The following CORO2B variants were observed in gnomAD, a reference collection of about 807,000 sequenced individuals.
CORO2B encodes the protein coronin-2B.
CORO2B carries 26 observed loss-of-function variants against 58.8 expected under a neutral mutation model. That is an observed-to-expected ratio of 0.44 (90% CI 0.32 to 0.61). The LOEUF (loss-of-function observed/expected upper bound fraction) is 0.61, where lower values mean the gene tolerates loss of function less well. Ranked by LOEUF, CORO2B falls within the 20% of genes least tolerant of loss-of-function variation. The probability of loss-of-function intolerance (pLI) is 0.04; values close to 1 mark genes in which losing one functional copy is unlikely to be tolerated. For missense variants in CORO2B, 460 were observed against 645.1 expected, an observed-to-expected ratio of 0.71 and a Z score of 3.11; for synonymous variants, 242 against 253.8, an observed-to-expected ratio of 0.95 and a Z score of 0.44.
chr15:68,525,143 C>A, the CORO2B span, among the ~76,000 whole-genome samples: 1 of 152,130 alleles, frequency 6.6e-6, no homozygotes, highest in South Asian at 2.1e-4. Context: ...CCCTAAAAAA[C>A]CCCAAAAACA....
chr15:68,647,030 C>A (rs969341738), intron 2 of CORO2B, among the ~76,000 whole-genome samples: 5 of 152,206 alleles, frequency 3.3e-5, no homozygotes, highest in African/African-American at 1.2e-4. Flanking sequence ...GGCACCCTGC[C>A]ATGCTCCACT....
intron 2 of CORO2B, among the ~76,000 whole-genome samples, chr15:68,685,609 G>C (rs1031500586): frequency 7.2e-5 from 11 of 152,228 alleles, no homozygotes; most frequent in African/African-American, 2.7e-4. Flanking sequence ...TGCTCCAGGA[G>C]GCAGGAGGCC....
At chr15:68,564,422 G>A in the CORO2B span, among the ~76,000 whole-genome samples, 2 of 151,968 alleles carry the variant, frequency 1.3e-5, no homozygotes, top group Non-Finnish European at 2.9e-5. Flanking sequence ...TCCCCCATCA[G>A]CCTCTCGAGT....
the CORO2B span, among the ~76,000 whole-genome samples, chr15:68,544,159 TG>T: frequency 6.6e-6 from 1 of 152,238 alleles, no homozygotes; most frequent in Non-Finnish European, 1.5e-5. Context: ...TGGTCCACTG[TG>T]GATCCACATC....
intron 3 of CORO2B, among the ~76,000 whole-genome samples, chr15:68,704,808 G>T (rs1472324594): frequency 2.0e-5 from 3 of 152,150 alleles, no homozygotes; most frequent in African/African-American, 7.2e-5. Context: ...ACAGTCCCCA[G>T]CAAGGCAGGC....
At chr15:68,641,690 C>CA (rs1300331595) in intron 1 of CORO2B, 3 of 585,892 alleles carry the variant, frequency 5.1e-6, no homozygotes. Flanking sequence ...TCCTCCCAAG[C>CA]CCTTGGAGGT....
chr15:68,621,434 G>C (rs1045704455), intron 1 of CORO2B, among the ~76,000 whole-genome samples: 1 of 152,208 alleles, frequency 6.6e-6, no homozygotes, highest in African/African-American at 2.4e-5. Context: ...AACTGTACTC[G>C]TACTATTGAA....
At chr15:68,537,465 T>C in the CORO2B span, among the ~76,000 whole-genome samples, 1 of 152,212 alleles carries the variant, frequency 6.6e-6, no homozygotes, top group African/African-American at 2.4e-5. Context: ...CTGCTTGTTT[T>C]TGTAAATAAA....
rs12904790 is a variant in CORO2B at position 68,587,049 on chromosome 15, T to C, written c.15+7772T>C. On this transcript the variant is annotated intron_variant, in intron 1 of 11. Coordinates refer to ENST00000261861, the MANE Select transcript of CORO2B (RefSeq NM_006091.5). ...AAGTCAAACTATAGGGAGATATGTA[T>C]ACACACACACACACACACACACACA... Among the ~76,000 whole-genome samples the C allele has an allele frequency of 6.6e-3, 385 of 57,906 alleles. 31 individuals carry two copies. Among genetic ancestry groups the C allele is most frequent in the South Asian group, 0.023 (22 of 974 alleles). The allele number at this position is 57,906 out of a possible 152,430, so 38.0% of individuals were successfully genotyped here.
At chr15:68,609,436 G>A (rs1176926347) in intron 1 of CORO2B, among the ~76,000 whole-genome samples, 1 of 152,148 alleles carries the variant, frequency 6.6e-6, no homozygotes, top group Non-Finnish European at 1.5e-5. Flanking sequence ...TTTGGGGCAG[G>A]GCATCAGTTT....
At chr15:68,609,796 C>A (rs2140244727) in intron 1 of CORO2B, among the ~76,000 whole-genome samples, 1 of 152,318 alleles carries the variant, frequency 6.6e-6, no homozygotes, top group East Asian at 1.9e-4. Flanking sequence ...TGCCCTGGGA[C>A]TGGAGGGCTG....
At chr15:68,531,187 C>T in the CORO2B span, among the ~76,000 whole-genome samples, 8 of 152,166 alleles carry the variant, frequency 5.3e-5, no homozygotes, top group Middle Eastern at 3.4e-3. Context: ...TTCTAAAGAA[C>T]TTTCAAAATA....
At chr15:68,674,477 C>T (rs558251298) in intron 2 of CORO2B, among the ~76,000 whole-genome samples, 2 of 152,308 alleles carry the variant, frequency 1.3e-5, no homozygotes, top group East Asian at 3.9e-4. Flanking sequence ...GCAAGGTCTC[C>T]AGAACTGACA....
At chr15:68,701,842 T>G (rs998755165) in intron 3 of CORO2B, among the ~76,000 whole-genome samples, 10 of 152,090 alleles carry the variant, frequency 6.6e-5, no homozygotes, top group Admixed American at 6.5e-4. Context: ...AGGAATCATC[T>G]CGGGCTCTGA....
intron 2 of CORO2B, among the ~76,000 whole-genome samples, chr15:68,651,536 T>C (rs529543741): frequency 1.3e-5 from 2 of 152,344 alleles, no homozygotes; most frequent in East Asian, 3.9e-4. Context: ...GACCATTTCT[T>C]GGTGACTGCA....
At position 68,579,279 on chromosome 15, in the gene CORO2B, TA is replaced by T; in HGVS notation, c.15+4del. The stretch of plus-strand genomic sequence containing the variant: ...AGTTTCTGCATGACTGTCACAAAGG[TA>T]AGCGCCGCTCGCCCGCCGCGCCCGG... On this transcript the variant is annotated splice_donor_region_variant and intron_variant, in intron 1 of 11. Coordinates refer to ENST00000261861, the MANE Select transcript of CORO2B (RefSeq NM_006091.5). The T allele has an allele frequency of 7.8e-7, 1 of 1,281,338 alleles. No individual in the cohort carries two copies. The highest frequency in any genetic ancestry group is 3.2e-5 in the Admixed American group (1 of 31,482). The allele number at this position is 1,281,338 out of a possible 1,614,324, so 79.4% of individuals were successfully genotyped here. A position where few individuals can be genotyped will look rare whatever the true frequency, so the allele number is the denominator to read the frequency against.
chr15:68,701,392 A>C (rs537571283), intron 3 of CORO2B, among the ~76,000 whole-genome samples: 8 of 150,874 alleles, frequency 5.3e-5, no homozygotes, highest in Admixed American at 6.6e-5. Context: ...GCTCACTGCA[A>C]GCTTCACCTC....
the CORO2B span, among the ~76,000 whole-genome samples, chr15:68,560,556 C>G: frequency 3.3e-5 from 5 of 152,306 alleles, no homozygotes; most frequent in Admixed American, 1.3e-4. Flanking sequence ...GCCTCCGTTT[C>G]CCAAAGTGTT....
intron 1 of CORO2B, among the ~76,000 whole-genome samples, chr15:68,587,097 A>G (rs1431023761): frequency 1.5e-5 from 2 of 131,196 alleles, no homozygotes; most frequent in Admixed American, 1.5e-4. Context: ...CACACACACA[A>G]TTTTTTTCTA....
Sources: gnomAD v4.1 joint callset for allele counts (sites outside exome capture counted in the v4.1 genomes callset) on GRCh38, gnomAD v4.1.1 for gene constraint, MANE v1.5 for transcripts, NCBI Gene and HGNC (gene_info 2026-07-23, HGNC 2026-07-21) for gene names.